Variants in MACROD2 observed in about 807,000 individuals in gnomAD.
MACROD2 encodes ADP-ribose glycohydrolase MACROD2.
In MACROD2, 36 loss-of-function variants were observed where a neutral mutation model predicts 70.4. The observed-to-expected ratio is 0.51, with a 90% CI of 0.39 to 0.68. MACROD2 has a LOEUF of 0.68. Among genes scored for constraint, MACROD2 ranks in the 30% least tolerant of loss-of-function variants. The pLI is 0.00. For synonymous variants in MACROD2, 172 were observed against 178.8 expected, an observed-to-expected ratio of 0.96 and a Z score of 0.30; for missense variants, 496 against 538.4, an observed-to-expected ratio of 0.92 and a Z score of 0.78.
Position 15,154,051 on chromosome 20 carries a change from TC to T in MACROD2, c.419-75885del, listed in dbSNP as rs1414457701. 2.0e-5 allele frequency among the ~76,000 whole-genome samples: 3 copies of T among 152,184 alleles called. No individual in the cohort carries two copies. In the East Asian group the frequency reaches 5.8e-4, roughly 29 times the overall value. On this transcript the variant is annotated intron_variant, in intron 5 of 17. Coordinates refer to ENST00000684519, the MANE Select transcript of MACROD2 (RefSeq NM_001351661.2). The stretch of plus-strand genomic sequence containing the variant: ...ATGTTCACTGAAGCTCAATAGACTA[TC>T]CCCTACCTGATGACAAGTAATTTGC...
chr20:15,303,255 C>T (rs2077664373), intron 6 of MACROD2, among the ~76,000 whole-genome samples: 1 of 152,150 alleles, frequency 6.6e-6, no homozygotes, highest in Non-Finnish European at 1.5e-5. Context: ...CTTGACTTGT[C>T]TTTTAACAGC....
At position 15,166,633 on chromosome 20, in the gene MACROD2, A is replaced by C. The variant is rs141282400; in HGVS notation, c.419-63307A>C. ...AAACAAAAAAAAAGTATAAAATACA[A>C]CAATCTATGCATTTTTTTAAGAATT... On this transcript the variant is annotated intron_variant, in intron 5 of 17. Coordinates refer to ENST00000684519, the MANE Select transcript of MACROD2 (RefSeq NM_001351661.2). Among the ~76,000 whole-genome samples the C allele has an allele frequency of 1.1e-3, 161 of 152,276 alleles. 2 individuals carry two copies. In the East Asian group the frequency reaches 0.027, roughly 26 times the overall value.
chr20:15,355,439 C>T (rs941882520), intron 6 of MACROD2, among the ~76,000 whole-genome samples: 9 of 152,216 alleles, frequency 5.9e-5, no homozygotes, highest in Non-Finnish European at 1.3e-4. Flanking sequence ...TCCATGCCCT[C>T]TCCTTGTAAA....
intron 3 of MACROD2, among the ~76,000 whole-genome samples, chr20:14,342,570 C>T (rs2083024436): frequency 6.6e-6 from 1 of 152,112 alleles, no homozygotes; most frequent in Non-Finnish European, 1.5e-5. Context: ...AGGCCAGATG[C>T]TTAATGTAGT....
intron 6 of MACROD2, among the ~76,000 whole-genome samples, chr20:15,332,392 C>G (rs566522316): frequency 2.0e-4 from 31 of 151,476 alleles, no homozygotes; most frequent in Non-Finnish European, 8.8e-5. Context: ...AAAAATTAGG[C>G]GCAAGTAAAA....
chr20:15,710,361 A>G (rs928339633), intron 8 of MACROD2, among the ~76,000 whole-genome samples: 6 of 152,196 alleles, frequency 3.9e-5, no homozygotes, highest in African/African-American at 1.4e-4. Flanking sequence ...GACAACAGCA[A>G]GCTATACACA....
intron 5 of MACROD2, among the ~76,000 whole-genome samples, chr20:15,013,996 TCTC>T (rs1178886333): frequency 6.6e-6 from 1 of 152,164 alleles, no homozygotes; most frequent in Non-Finnish European, 1.5e-5. Context: ...GCCATGCACT[TCTC>T]CTTTTAGGCC....
chr20:14,712,240 G>C (rs2071347302), intron 5 of MACROD2, among the ~76,000 whole-genome samples: 1 of 151,962 alleles, frequency 6.6e-6, no homozygotes, highest in African/African-American at 2.4e-5. Flanking sequence ...TTTTTAATGA[G>C]AAAAATTTAT....
At chr20:15,226,602 T>C (rs1216150130) in intron 5 of MACROD2, among the ~76,000 whole-genome samples, 2 of 152,166 alleles carry the variant, frequency 1.3e-5, no homozygotes, top group African/African-American at 2.4e-5. Flanking sequence ...ATGTTCTCAA[T>C]GGATTTTGAA....
intron 10 of MACROD2, among the ~76,000 whole-genome samples, chr20:15,922,087 G>A (rs138613011): frequency 1.2e-3 from 181 of 152,282 alleles, no homozygotes; most frequent in Non-Finnish European, 2.0e-3. Flanking sequence ...AAAGCCCTCA[G>A]GCCGCATATT....
intron 6 of MACROD2, among the ~76,000 whole-genome samples, chr20:15,405,629 T>G (rs1029393353): frequency 6.6e-6 from 1 of 152,178 alleles, no homozygotes; most frequent in African/African-American, 2.4e-5. Flanking sequence ...TTGTACTCCT[T>G]TCTGTGGGAA....
chr20:15,801,491 AAAAG>A (rs2063726262), intron 8 of MACROD2, among the ~76,000 whole-genome samples: 1 of 151,630 alleles, frequency 6.6e-6, no homozygotes, highest in Non-Finnish European at 1.5e-5. Flanking sequence ...TGAAAAAAAA[AAAAG>A]AAAATCAGTT....
intron 5 of MACROD2, among the ~76,000 whole-genome samples, chr20:14,864,381 AC>A (rs1326877697): frequency 6.6e-6 from 1 of 152,112 alleles, no homozygotes; most frequent in Admixed American, 6.6e-5. Context: ...TCATGCAGTT[AC>A]AAGTCCTATG....
chr20:15,687,298 A>G (rs202100864), intron 8 of MACROD2, among the ~76,000 whole-genome samples: 1 of 142,090 alleles, frequency 7.0e-6, no homozygotes, highest in Admixed American at 6.9e-5. Context: ...ATATATATAT[A>G]TTTTATATAT....
chr20:15,338,522 A>G (rs2078073705), intron 6 of MACROD2, among the ~76,000 whole-genome samples: 1 of 151,676 alleles, frequency 6.6e-6, no homozygotes, highest in South Asian at 2.1e-4. Flanking sequence ...CTGGTAACCT[A>G]AAACAGGATG....
chr20:14,133,829 G>A (rs980043772), intron 3 of MACROD2, among the ~76,000 whole-genome samples: 18 of 152,218 alleles, frequency 1.2e-4, no homozygotes, highest in African/African-American at 4.1e-4. Flanking sequence ...CCCCACAGCT[G>A]TCAGCCCCTT....
intron 5 of MACROD2, among the ~76,000 whole-genome samples, chr20:14,846,006 A>AT (rs962037315): frequency 6.6e-6 from 1 of 152,042 alleles, no homozygotes; most frequent in Non-Finnish European, 1.5e-5. Flanking sequence ...ACACTTGAGT[A>AT]TTTTTTTAAT....
intron 4 of MACROD2, among the ~76,000 whole-genome samples, chr20:14,611,105 G>C (rs552102497): frequency 1.0e-3 from 152 of 152,170 alleles, no homozygotes; most frequent in African/African-American, 3.4e-3. Flanking sequence ...ATGGTATGGT[G>C]GTTAAGAATG....
intron 8 of MACROD2, among the ~76,000 whole-genome samples, chr20:15,803,001 G>A (rs2063739559): frequency 6.6e-6 from 1 of 152,026 alleles, no homozygotes; most frequent in South Asian, 2.1e-4. Context: ...AATGAGTAAT[G>A]AGATTAAATT....
Sources: allele counts gnomAD v4.1 joint callset (sites outside exome capture counted in the v4.1 genomes callset), GRCh38; gene constraint gnomAD v4.1.1; transcripts MANE v1.5; gene names NCBI Gene and HGNC (gene_info 2026-07-23, HGNC 2026-07-21).